The following PHLDB2 variants were observed in gnomAD, a reference collection of about 807,000 sequenced individuals.
PHLDB2 encodes pleckstrin homology like domain family B member 2, also known as pleckstrin homology-like domain family B member 2.
PHLDB2 carries 71 observed loss-of-function variants against 123.6 expected under a neutral mutation model. That is an observed-to-expected ratio of 0.57 (90% CI 0.47 to 0.70). The LOEUF is 0.70. PHLDB2 is among the 30% of genes least tolerant of loss of function. The pLI is 0.00. For missense variants in PHLDB2, 1,446 were observed against 1,519.5 expected, an observed-to-expected ratio of 0.95 and a Z score of 0.80; for synonymous variants, 547 against 541.6, an observed-to-expected ratio of 1.01 and a Z score of -0.14.
At chr3:111,905,666 G>A (rs2067474840) in intron 2 of PHLDB2, among the ~76,000 whole-genome samples, 1 of 152,042 alleles carries the variant, frequency 6.6e-6, no homozygotes, top group African/African-American at 2.4e-5. Context: ...TTAAAAGTCT[G>A]AGCTACCTTT....
At chr3:111,932,481 C>T (rs1016523799) in intron 6 of PHLDB2, 84 bp downstream of exon 6, 1 of 1,370,876 alleles carries the variant, frequency 7.3e-7, no homozygotes, top group East Asian at 2.6e-5. Flanking sequence ...TGACTTACGA[C>T]TTCATATAGC....
At chr3:111,947,950 T>C (rs1046159369) in intron 9 of PHLDB2, among the ~76,000 whole-genome samples, 4 of 152,236 alleles carry the variant, frequency 2.6e-5, no homozygotes, top group African/African-American at 9.6e-5. Context: ...ATTTCAGCTT[T>C]AAAAGAGAGG....
chr3:111,793,037 C>A (rs761171970), intron 1 of PHLDB2, among the ~76,000 whole-genome samples: 2 of 152,212 alleles, frequency 1.3e-5, no homozygotes. Flanking sequence ...GCGACCACTG[C>A]CTAGGATGTT....
chr3:111,771,758 CT>C (rs1424620175), intron 1 of PHLDB2, among the ~76,000 whole-genome samples: 2 of 152,208 alleles, frequency 1.3e-5, no homozygotes, highest in African/African-American at 2.4e-5. Context: ...ATGACTTTAA[CT>C]TGATCACCTG....
At chr3:111,742,150 G>T (rs942105274) in intron 1 of PHLDB2, among the ~76,000 whole-genome samples, 1 of 152,064 alleles carries the variant, frequency 6.6e-6, no homozygotes, top group Non-Finnish European at 1.5e-5. Flanking sequence ...TTGGTTGAGG[G>T]TCACCATATT....
intron 2 of PHLDB2, among the ~76,000 whole-genome samples, chr3:111,888,257 T>G (rs2066288500): frequency 6.6e-6 from 1 of 152,116 alleles, no homozygotes; most frequent in African/African-American, 2.4e-5. Context: ...ACCTAATTAT[T>G]TCTAGCCTCT....
Position 111,952,598 on chromosome 3 carries a change from A to G in PHLDB2, c.2658A>G (p.Lys886=), listed in dbSNP as rs774497129. The change falls in exon 11 of 18, where the codon AAA becomes AAG. Residue 886 remains lysine, a synonymous_variant. Transcript: ENST00000431670. ...KEHFRSLEER[K]KQHKEGLYLS... is the part of the protein sequence containing the mutation. ...ACTTTAGAAGTCTGGAAGAAAGGAA[A>G]AAACAGCATAAAGAAGGCCTCTATC... 1.2e-5 allele frequency: 20 copies of G among 1,613,014 alleles called. No individual in the cohort carries two copies. The highest frequency in any genetic ancestry group is 1.4e-5 in the Non-Finnish European group (17 of 1,179,652).
chr3:111,855,523 C>T (rs7433416), upstream of PHLDB2, among the ~76,000 whole-genome samples: 8 of 86,292 alleles, frequency 9.3e-5, no homozygotes, highest in Non-Finnish European at 1.4e-4. Flanking sequence ...TTTCTTTCTT[C>T]TTTCTTTCCA....
At chr3:111,880,316 G>T (rs2065873792) in intron 1 of PHLDB2, among the ~76,000 whole-genome samples, 1 of 152,102 alleles carries the variant, frequency 6.6e-6, no homozygotes, top group Admixed American at 6.6e-5. Flanking sequence ...TATGTTTGGG[G>T]GCAAGTAGAC....
intron 1 of PHLDB2, among the ~76,000 whole-genome samples, chr3:111,743,418 C>G (rs1266390987): frequency 6.6e-6 from 1 of 152,196 alleles, no homozygotes; most frequent in African/African-American, 2.4e-5. Flanking sequence ...ACCCTAGGGA[C>G]TTCTGCCTCG....
chr3:111,786,348 T>C (rs1340260474), intron 1 of PHLDB2, among the ~76,000 whole-genome samples: 6 of 152,184 alleles, frequency 3.9e-5, no homozygotes, highest in Non-Finnish European at 5.9e-5. Flanking sequence ...GTTGAATCCA[T>C]TGATGCAGAA....
chr3:111,830,788 G>C (rs2062924725), intron 1 of PHLDB2, among the ~76,000 whole-genome samples: 1 of 99,800 alleles, frequency 1.0e-5, no homozygotes, highest in Admixed American at 1.6e-4. Context: ...CAGCCTGGGC[G>C]ACAGAGCGAG....
intron 1 of PHLDB2, among the ~76,000 whole-genome samples, chr3:111,769,917 T>C (rs1451497851): frequency 1.3e-5 from 2 of 152,246 alleles, no homozygotes; most frequent in Non-Finnish European, 2.9e-5. Flanking sequence ...TTTCCATAAG[T>C]ATCTTAGCTG....
chr3:111,886,671 A>C (rs2066182786), intron 2 of PHLDB2, among the ~76,000 whole-genome samples: 1 of 152,232 alleles, frequency 6.6e-6, no homozygotes, highest in South Asian at 2.1e-4. Flanking sequence ...CTGTTCTTAC[A>C]GAGTTTTCAA....
At chr3:111,929,632 C>G (rs2068998864) in intron 5 of PHLDB2, among the ~76,000 whole-genome samples, 1 of 152,156 alleles carries the variant, frequency 6.6e-6, no homozygotes, top group Non-Finnish European at 1.5e-5. Context: ...TTCTGGCACT[C>G]ACAGGAGTTA....
At chr3:111,932,246 A>T in intron 5 of PHLDB2, 23 bp from the exon 6 acceptor site, 1 of 1,548,664 alleles carries the variant, frequency 6.5e-7, no homozygotes, top group East Asian at 2.4e-5. Context: ...TTTCTATTCT[A>T]TTTTCTGGTT....
chr3:111,742,172 C>A (rs1220032810), intron 1 of PHLDB2, among the ~76,000 whole-genome samples: 1 of 152,106 alleles, frequency 6.6e-6, no homozygotes, highest in Non-Finnish European at 1.5e-5. Context: ...TCTCTTTTAA[C>A]CAGTATCTGA....
At chr3:111,784,615 T>C (rs557494166) in intron 1 of PHLDB2, among the ~76,000 whole-genome samples, 86 of 152,316 alleles carry the variant, frequency 5.6e-4, no homozygotes, top group Non-Finnish European at 9.4e-4. Context: ...TTGTTCAGTA[T>C]AATCCAACCT....
intron 1 of PHLDB2, among the ~76,000 whole-genome samples, chr3:111,788,453 C>T (rs73855621): frequency 6.6e-6 from 1 of 152,222 alleles, no homozygotes; most frequent in Admixed American, 6.5e-5. Context: ...AAGCATGTGT[C>T]AATATTATTT....
Sources: gnomAD v4.1 joint callset for allele counts (sites outside exome capture counted in the v4.1 genomes callset) on GRCh38, gnomAD v4.1.1 for gene constraint, MANE v1.5 for transcripts, NCBI Gene and HGNC (gene_info 2026-07-23, HGNC 2026-07-21) for gene names.